Variants in ARHGAP10 observed in about 807,000 individuals in gnomAD.
ARHGAP10 encodes the protein Rho GTPase activating protein 10, also known as rho GTPase-activating protein 10.
In ARHGAP10, 87 loss-of-function variants were observed where a neutral mutation model predicts 108.6. The ratio of observed to expected loss-of-function variants is 0.80; its 90% CI spans 0.67 to 0.96. The LOEUF is 0.96. Among genes scored for constraint, ARHGAP10 ranks in the 40% least tolerant of loss-of-function variants. The pLI, the probability that ARHGAP10 is intolerant of heterozygous loss-of-function variation, is 0.00. For synonymous variants in ARHGAP10, 347 were observed against 341.1 expected (o/e 1.02, Z -0.19); for missense variants, 939 against 954.5 (o/e 0.98, Z 0.21).
At chr4:148,033,803 C>T (rs781289461) in intron 19 of ARHGAP10, among the ~76,000 whole-genome samples, 4 of 152,198 alleles carry the variant, frequency 2.6e-5, no homozygotes, top group Non-Finnish European at 5.9e-5. Flanking sequence ...TTCATTGGCA[C>T]TAACTGAGAA....
chr4:147,850,018 G>C (rs1450387348), intron 4 of ARHGAP10, among the ~76,000 whole-genome samples: 2 of 152,194 alleles, frequency 1.3e-5, no homozygotes, highest in African/African-American at 2.4e-5. Context: ...GCACCAATCA[G>C]CGCTCTGTAT....
intron 16 of ARHGAP10, among the ~76,000 whole-genome samples, chr4:147,959,506 A>G (rs1005581316): frequency 2.6e-5 from 4 of 151,982 alleles, no homozygotes; most frequent in Admixed American, 1.3e-4. Flanking sequence ...TCCTAATGCT[A>G]TCCCTCCCCG....
chr4:147,788,228 C>T (rs751392946), intron 1 of ARHGAP10, among the ~76,000 whole-genome samples: 3 of 151,928 alleles, frequency 2.0e-5, no homozygotes, highest in South Asian at 2.1e-4. Context: ...GGATGGATCA[C>T]GAGGTTAGGA....
In ARHGAP10 at chr4:147,965,040, A is replaced by G; in HGVS notation, c.1467A>G (p.Glu489=). The part of the protein sequence containing the change: ...FIVPAKSGSP[E]SRVNAIHFLV... ...TTTTGGAAGAAAGCGGCAGCCCAGAATCTCGTGTTAATGCGATCCATTTCT... is the reference window on the plus strand; with the variant it reads ...TTTTGGAAGAAAGCGGCAGCCCAGAGTCTCGTGTTAATGCGATCCATTTCT... Residue 489 remains glutamate (E), a synonymous_variant, in exon 17 of 23, where the codon GAA becomes GAG. Transcript: ENST00000336498. 2 of 1,580,450 alleles carry G rather than the reference A, an allele frequency of 1.3e-6. No individual in the cohort carries two copies. Among genetic ancestry groups the G allele is most frequent in the African/African-American group, 2.7e-5 (2 of 73,602 alleles).
At chr4:147,963,484 A>C (rs974275652) in intron 16 of ARHGAP10, among the ~76,000 whole-genome samples, 1 of 152,206 alleles carries the variant, frequency 6.6e-6, no homozygotes, top group African/African-American at 2.4e-5. Flanking sequence ...AAACTAGCAA[A>C]ATCTTCAACA....
At chr4:147,798,364 A>G (rs548357252) in intron 1 of ARHGAP10, among the ~76,000 whole-genome samples, 2 of 152,224 alleles carry the variant, frequency 1.3e-5, no homozygotes, top group African/African-American at 4.8e-5. Context: ...TTAGATTATA[A>G]ACTCTGAAGT....
intron 1 of ARHGAP10, among the ~76,000 whole-genome samples, chr4:147,800,110 C>T (rs149010385): frequency 6.6e-6 from 1 of 152,122 alleles, no homozygotes. Flanking sequence ...GTCTCATTTC[C>T]CCCTGCTGTT....
rs1491325251 is a variant in ARHGAP10 at position 147,914,567 on chromosome 4, CCT to C, written c.1228+1429_1228+1430del. Reference sequence around the variant, plus strand: ...CGCATGTTCTGCGCTCCCCCCCCCCCCTTTTTTTTTTTAACATCTTCAGCATT... The same window carrying C: ...CGCATGTTCTGCGCTCCCCCCCCCCCTTTTTTTTTTAACATCTTCAGCATT... On this transcript the variant is annotated intron_variant, in intron 13 of 22. Transcript: ENST00000336498. Among the ~76,000 whole-genome samples, 91 of 49,926 alleles carry C rather than the reference CCT, an allele frequency of 1.8e-3. 1 individual carries two copies. In the South Asian group the frequency reaches 0.019, roughly 10 times the overall value. The allele number at this position is 49,926 out of a possible 152,430, so 32.8% of individuals were successfully genotyped here.
At position 147,732,252 on chromosome 4, in the gene ARHGAP10, C is replaced by T. The variant is rs1346748858; in HGVS notation, c.-50C>T. ...ACCTGGCAGCGGCCTCGGAGCTCGG[C>T]TCGGGCAGGAGCGCGCGGCCGTGCG... On this transcript the variant is annotated 5_prime_UTR_variant, in exon 1 of 23. Coordinates refer to ENST00000336498, the MANE Select transcript of ARHGAP10 (RefSeq NM_024605.4). 1 of 1,517,470 alleles carries T rather than the reference C, an allele frequency of 6.6e-7. No homozygotes were observed. Among genetic ancestry groups the T allele is most frequent in the Non-Finnish European group, 8.8e-7 (1 of 1,140,850 alleles). 94.0% of individuals were successfully genotyped at this position (1,517,470 alleles called of 1,614,324 possible).
intron 18 of ARHGAP10, among the ~76,000 whole-genome samples, chr4:148,007,083 TC>T: frequency 6.6e-6 from 1 of 152,040 alleles, no homozygotes; most frequent in East Asian, 1.9e-4. Context: ...AGGTTAATCA[TC>T]CTATTCTTGG....
chr4:147,756,130 CAAAAAAAAA>C (rs11355244), intron 1 of ARHGAP10, among the ~76,000 whole-genome samples: 1 of 96,178 alleles, frequency 1.0e-5, no homozygotes, highest in Non-Finnish European at 2.1e-5. Flanking sequence ...TACTAGGAGG[CAAAAAAAAA>C]AAAAAAGAAA....
chr4:148,044,169 T>C (rs1463930798), intron 19 of ARHGAP10, among the ~76,000 whole-genome samples: 2 of 152,200 alleles, frequency 1.3e-5, no homozygotes, highest in Non-Finnish European at 2.9e-5. Context: ...TGATTTAATA[T>C]GTTGAATGAC....
At position 147,879,545 on chromosome 4, in the gene ARHGAP10, AACC is replaced by A. The variant is rs766061754; in HGVS notation, c.939+210_939+212del. Among the ~76,000 whole-genome samples, 12 of 152,140 alleles carry A rather than the reference AACC, an allele frequency of 7.9e-5. No individual in the cohort carries two copies. In the East Asian group the frequency reaches 2.3e-3, roughly 29 times the overall value. ...TTCTGAATTACATGCATGGGTTTTA[AACC>A]ACTAGATTTTTTTTTTTTTAAGTTC... On this transcript the variant is annotated intron_variant, in intron 9 of 22. Coordinates refer to ENST00000336498, the MANE Select transcript of ARHGAP10 (RefSeq NM_024605.4).
intron 18 of ARHGAP10, among the ~76,000 whole-genome samples, chr4:148,010,532 C>G (rs1254728486): frequency 6.6e-6 from 1 of 152,032 alleles, no homozygotes; most frequent in East Asian, 1.9e-4. Flanking sequence ...ATTGTATACC[C>G]TTTATAGTAT....
chr4:147,879,439 A>T, intron 9 of ARHGAP10, 101 bp downstream of exon 9: 1 of 980,736 alleles, frequency 1.0e-6, no homozygotes, highest in South Asian at 2.3e-5. Context: ...ATATTCATGG[A>T]TGGTAAATAA....
rs1192542280 is a variant in ARHGAP10, at chr4:147,865,010, T to G, written c.597+54T>G. 3.4e-6 allele frequency: 5 copies of G among 1,451,046 alleles called. No individual in the cohort carries two copies. In the African/African-American group the frequency reaches 7.1e-5, roughly 21 times the overall value. The allele number at this position is 1,451,046 out of a possible 1,614,324, so 89.9% of individuals were successfully genotyped here. ...GATTTTTGCAATGTAAGATAAGTAT[T>G]TATTTTCCTAGATCTGATTTATGGT... On this transcript the variant is annotated intron_variant, in intron 6 of 22. Transcript: ENST00000336498.
At chr4:147,982,365 C>CTTTTTTTTTTT (rs70958599) in intron 18 of ARHGAP10, among the ~76,000 whole-genome samples, 2 of 124,628 alleles carry the variant, frequency 1.6e-5, no homozygotes, top group Non-Finnish European at 1.7e-5. Context: ...TTCTTTCTTT[C>CTTTTTTTTTTT]TTTTTTTTTT....
intron 9 of ARHGAP10, among the ~76,000 whole-genome samples, chr4:147,880,369 T>G (rs1179638463): frequency 3.9e-5 from 6 of 152,228 alleles, no homozygotes; most frequent in Non-Finnish European, 8.8e-5. Context: ...AACACATTTA[T>G]ATAATAATGA....
chr4:147,894,345 A>G (rs1198674671), intron 10 of ARHGAP10, among the ~76,000 whole-genome samples: 1 of 152,124 alleles, frequency 6.6e-6, no homozygotes, highest in East Asian at 1.9e-4. Flanking sequence ...CTTATTGGCC[A>G]TTTATGTTTC....
Sources: gnomAD v4.1 joint callset for allele counts (sites outside exome capture counted in the v4.1 genomes callset) on GRCh38, gnomAD v4.1.1 for gene constraint, MANE v1.5 for transcripts, NCBI Gene and HGNC (gene_info 2026-07-23, HGNC 2026-07-21) for gene names.